Variants in FAM184B observed in about 807,000 individuals in gnomAD.
The protein encoded by FAM184B is protein FAM184B.
A neutral mutation model predicts 135.9 loss-of-function variants in FAM184B; 111 were observed. That is an observed-to-expected ratio of 0.82 (90% CI 0.70 to 0.96). The LOEUF is 0.96. Among genes scored for constraint, FAM184B ranks in the 40% least tolerant of loss-of-function variants. The pLI, the probability that FAM184B is intolerant of heterozygous loss-of-function variation, is 0.00. For missense variants in FAM184B, 1,375 were observed against 1,323.9 expected (o/e 1.04, Z -0.60); for synonymous variants, 552 against 524.8 (o/e 1.05, Z -0.71).
At chr4:17,680,210 TCA>T (rs1245170048) in intron 7 of FAM184B, among the ~76,000 whole-genome samples, 2 of 152,194 alleles carry the variant, frequency 1.3e-5, no homozygotes, top group Non-Finnish European at 2.9e-5. Flanking sequence ...TCAAAATATG[TCA>T]CACATGATAA....
At chr4:17,756,464 T>C (rs1170889239) in intron 1 of FAM184B, among the ~76,000 whole-genome samples, 1 of 152,194 alleles carries the variant, frequency 6.6e-6, no homozygotes, top group Non-Finnish European at 1.5e-5. Flanking sequence ...AAAAACCTCA[T>C]TGGTCATCTT....
At chr4:17,692,132 T>C (rs10939755) in intron 6 of FAM184B, among the ~76,000 whole-genome samples, 91,413 of 151,274 alleles carry the variant, frequency 0.6, 28,119 homozygotes, top group East Asian at 0.87. Flanking sequence ...GAGTGGTCCA[T>C]GTACAACATG....
intron 7 of FAM184B, among the ~76,000 whole-genome samples, chr4:17,682,689 AGGTTTTGCCATGTT>A (rs1202310540): frequency 6.6e-6 from 1 of 151,896 alleles, no homozygotes; most frequent in African/African-American, 2.4e-5. Context: ...AGTAGAGACG[AGGTTTTGCCATGTT>A]GCTCAGGCTG....
chr4:17,709,027 G>T lies in FAM184B; in HGVS notation c.759C>A (p.Asp253Glu). ...CCTGGACCTGGAAGTTCTTGCGGAG[G>T]TCCGACTCCTTCTCCTGCCACTGCC... ...ALWQWQEKES[D>E]LRKNFQVQES... Residue 253 changes from aspartate (D) to glutamate (E), a missense_variant, in exon 2 of 18, where the codon GAC becomes GAA. Transcript: ENST00000265018. 1 of 1,550,244 alleles carries T rather than the reference G, an allele frequency of 6.5e-7. No individual in the cohort carries two copies.
At chr4:17,670,662 A>T (rs532241962) in intron 7 of FAM184B, among the ~76,000 whole-genome samples, 1 of 152,202 alleles carries the variant, frequency 6.6e-6, no homozygotes, top group Admixed American at 6.5e-5. Flanking sequence ...ATTTCTATAC[A>T]TTATCTCATG....
intron 1 of FAM184B, among the ~76,000 whole-genome samples, chr4:17,749,933 A>C (rs751661527): frequency 3.3e-5 from 5 of 152,326 alleles, no homozygotes; most frequent in Middle Eastern, 3.4e-3. Context: ...TCCTTCATAC[A>C]AATCATGCTT....
At position 17,630,429 on chromosome 4, in the gene FAM184B, C is replaced by T. The variant is rs894971466; in HGVS notation, c.*2103G>A. 1 of 152,208 alleles carries T rather than the reference C, an allele frequency of 6.6e-6. No homozygotes were observed. Among genetic ancestry groups the T allele is most frequent in the African/African-American group, 2.4e-5 (1 of 41,450 alleles). 9.4% of individuals were successfully genotyped at this position (152,208 alleles called of 1,614,324 possible). ...CTCAGGGAGGCGCTCTTGCCTCTTC[C>T]ACCATGTAAGGACACGTAGCAGGCA... On this transcript the variant is annotated 3_prime_UTR_variant, in exon 18 of 18. Coordinates refer to ENST00000265018, the MANE Select transcript of FAM184B (RefSeq NM_015688.2).
chr4:17,629,547 A>C lies in FAM184B; in HGVS notation c.*2985T>G, dbSNP rs1433106966. The C allele has an allele frequency of 6.6e-6, 1 of 152,230 alleles. No homozygotes were observed. Among genetic ancestry groups the C allele is most frequent in the African/African-American group, 2.4e-5 (1 of 41,466 alleles). The allele number at this position is 152,230 out of a possible 1,614,324, so 9.4% of individuals were successfully genotyped here. On this transcript the variant is annotated 3_prime_UTR_variant, in exon 18 of 18. Coordinates refer to ENST00000265018, the MANE Select transcript of FAM184B (RefSeq NM_015688.2). ...AAAACAGTTTGCTTTCATGTGGAACAGATAGTATTCCTTTCAGTTTTGCTG... is the reference window on the plus strand; with the variant it reads ...AAAACAGTTTGCTTTCATGTGGAACCGATAGTATTCCTTTCAGTTTTGCTG...
At chr4:17,733,846 T>A (rs988365487) in intron 1 of FAM184B, among the ~76,000 whole-genome samples, 3 of 151,898 alleles carry the variant, frequency 2.0e-5, no homozygotes, top group East Asian at 1.9e-4. Flanking sequence ...TTCATATGGA[T>A]CCAAAAAAGA....
intron 1 of FAM184B, among the ~76,000 whole-genome samples, chr4:17,747,250 T>G (rs977029605): frequency 6.6e-6 from 1 of 151,964 alleles, no homozygotes; most frequent in Non-Finnish European, 1.5e-5. Context: ...AGAAGGAATT[T>G]GTCCCCCAGG....
intron 6 of FAM184B, among the ~76,000 whole-genome samples, chr4:17,692,740 A>C (rs1007967441): frequency 1.3e-5 from 2 of 152,124 alleles, no homozygotes; most frequent in Admixed American, 1.3e-4. Flanking sequence ...GAAGGAAGGA[A>C]ACTTGTTGAC....
At chr4:17,664,019 T>A (rs1715986143) in intron 8 of FAM184B, among the ~76,000 whole-genome samples, 1 of 152,170 alleles carries the variant, frequency 6.6e-6, no homozygotes, top group Non-Finnish European at 1.5e-5. Context: ...CAATTAAACC[T>A]CTTTCCTTTA....
intron 12 of FAM184B, among the ~76,000 whole-genome samples, chr4:17,645,791 A>G (rs1296573532): frequency 6.6e-6 from 1 of 151,988 alleles, no homozygotes; most frequent in Non-Finnish European, 1.5e-5. Context: ...TGAACAGGCA[A>G]CCTACAGAAT....
chr4:17,661,804 TC>T (rs1269716450), intron 8 of FAM184B, among the ~76,000 whole-genome samples: 2 of 152,146 alleles, frequency 1.3e-5, no homozygotes, highest in Admixed American at 6.5e-5. Context: ...AGGTAAGCAC[TC>T]CCAGTGAGTC....
intron 1 of FAM184B, among the ~76,000 whole-genome samples, chr4:17,774,992 CT>C (rs71167338): frequency 0.12 from 9,744 of 81,842 alleles, 205 homozygotes; most frequent in East Asian, 0.3. Context: ...TTTTCCTTTT[CT>C]TTTTTTTTTT....
At chr4:17,740,483 T>C (rs1166914994) in intron 1 of FAM184B, among the ~76,000 whole-genome samples, 1 of 151,860 alleles carries the variant, frequency 6.6e-6, no homozygotes, top group Non-Finnish European at 1.5e-5. Context: ...ATATTCGTAA[T>C]TCAGGAAGTA....
chr4:17,758,871 T>TAAAAAA (rs879795890), intron 1 of FAM184B, among the ~76,000 whole-genome samples: 1 of 138,378 alleles, frequency 7.2e-6, no homozygotes, highest in Non-Finnish European at 1.6e-5. Flanking sequence ...ATTTAGGGGG[T>TAAAAAA]AAAAAAAAAA....
intron 1 of FAM184B, among the ~76,000 whole-genome samples, chr4:17,760,507 A>C (rs1450864341): frequency 6.6e-6 from 1 of 152,038 alleles, no homozygotes; most frequent in African/African-American, 2.4e-5. Flanking sequence ...CAAACAAAAA[A>C]CAAAAAACCC....
chr4:17,702,601 T>G (rs1717013512), intron 5 of FAM184B, among the ~76,000 whole-genome samples: 1 of 152,232 alleles, frequency 6.6e-6, no homozygotes, highest in Admixed American at 6.5e-5. Context: ...GAGGCCTCTT[T>G]AAGGTTTCAC....
Sources: gnomAD v4.1 joint callset for allele counts (sites outside exome capture counted in the v4.1 genomes callset) on GRCh38, gnomAD v4.1.1 for gene constraint, MANE v1.5 for transcripts, NCBI Gene and HGNC (gene_info 2026-07-23, HGNC 2026-07-21) for gene names.